Variants in TBXAS1 observed in about 807,000 individuals in gnomAD.
TBXAS1 encodes thromboxane A synthase 1, also known as thromboxane-A synthase.
TBXAS1 carries 48 observed loss-of-function variants against 60.7 expected under a neutral mutation model. The observed-to-expected ratio is 0.79, with a 90% confidence interval of 0.63 to 1.01. The LOEUF is 1.01. TBXAS1 is among the 50% of genes least tolerant of loss of function. The pLI is 0.00. For missense variants in TBXAS1, 685 were observed against 686.3 expected, an observed-to-expected ratio of 1.00 and a Z score of 0.02; for synonymous variants, 287 against 269.7, an observed-to-expected ratio of 1.06 and a Z score of -0.63.
chr7:139,955,628 G>A (rs766050846), intron 7 of TBXAS1, 21 bp downstream of exon 7: 1 of 1,613,462 alleles, frequency 6.2e-7, no homozygotes, highest in Non-Finnish European at 8.5e-7. Flanking sequence ...CTGCAGCCCG[G>A]GGCGCTGCGA....
intron 1 of TBXAS1, among the ~76,000 whole-genome samples, chr7:139,836,249 A>C (rs568901690): frequency 1.3e-5 from 2 of 152,296 alleles, no homozygotes; most frequent in Admixed American, 6.5e-5. Context: ...TGCCAAAAGC[A>C]ATCTACAAAT....
chr7:139,942,384 T>C (rs1478167353), intron 5 of TBXAS1, among the ~76,000 whole-genome samples: 1 of 152,244 alleles, frequency 6.6e-6, no homozygotes, highest in Non-Finnish European at 1.5e-5. Context: ...CGTGGGTTGT[T>C]AACTTCCTGG....
At chr7:139,856,046 C>A (rs1006952843) in intron 1 of TBXAS1, among the ~76,000 whole-genome samples, 1 of 152,132 alleles carries the variant, frequency 6.6e-6, no homozygotes. Context: ...AATTCAGACT[C>A]GAGGTGAATT....
At chr7:140,008,162 G>A (rs908799420) in intron 10 of TBXAS1, among the ~76,000 whole-genome samples, 1 of 152,152 alleles carries the variant, frequency 6.6e-6, no homozygotes, top group Non-Finnish European at 1.5e-5. Flanking sequence ...ATGATTTGAG[G>A]GTATCTCAAA....
intron 2 of TBXAS1, among the ~76,000 whole-genome samples, chr7:139,872,662 A>T (rs1347463070): frequency 6.6e-6 from 1 of 152,220 alleles, no homozygotes; most frequent in Non-Finnish European, 1.5e-5. Flanking sequence ...CTCAAAAAAT[A>T]AAATAAAATG....
chr7:139,890,373 G>A (rs147748446), intron 3 of TBXAS1, among the ~76,000 whole-genome samples: 3,972 of 152,026 alleles, frequency 0.026, 161 homozygotes, highest in African/African-American at 0.091. Flanking sequence ...CCGCCACTGC[G>A]CCCGGCTAAT....
chr7:139,984,651 AAAGG>A, intron 9 of TBXAS1, among the ~76,000 whole-genome samples: 1 of 141,364 alleles, frequency 7.1e-6, no homozygotes. Context: ...AGAAAGAAAG[AAAGG>A]GAAGGGGGAA....
At chr7:139,911,386 T>C in intron 4 of TBXAS1, 65 bp downstream of exon 4, 1 of 1,377,816 alleles carries the variant, frequency 7.3e-7, no homozygotes, top group Non-Finnish European at 1.0e-6. Context: ...ACACTGCATG[T>C]CAGATCCAAT....
At chr7:139,878,481 T>C (rs770030518) in intron 3 of TBXAS1, among the ~76,000 whole-genome samples, 2 of 152,220 alleles carry the variant, frequency 1.3e-5, no homozygotes, top group Non-Finnish European at 2.9e-5. Flanking sequence ...GCATAATTTC[T>C]TCCTATAAAG....
intron 9 of TBXAS1, among the ~76,000 whole-genome samples, chr7:139,980,345 A>G (rs1232065695): frequency 2.0e-5 from 3 of 152,112 alleles, no homozygotes; most frequent in Admixed American, 6.5e-5. Context: ...GGGTTTCCCT[A>G]ATGAGTTGAG....
intron 9 of TBXAS1, among the ~76,000 whole-genome samples, chr7:139,984,757 AAAGAAAGCAGGAAAGAAAG>A (rs1210553563): frequency 1.7e-5 from 2 of 118,230 alleles, no homozygotes; most frequent in Non-Finnish European, 3.6e-5. Context: ...GAAAAGAAAG[AAAGAAAGCAGGAAAGAAAG>A]AAAGAAAAGA....
At chr7:140,002,083 T>G (rs1328747362) in intron 9 of TBXAS1, among the ~76,000 whole-genome samples, 1 of 152,242 alleles carries the variant, frequency 6.6e-6, no homozygotes, top group African/African-American at 2.4e-5. Context: ...CAGTGCCTGG[T>G]GAATCATGCT....
In TBXAS1 at chr7:139,829,405, G is replaced by A. The variant is rs775493645; in HGVS notation, c.15G>A (p.Gly5=). 2.5e-6 allele frequency: 4 copies of A among 1,613,870 alleles called. No homozygotes were observed. The South Asian group carries it at 3.3e-5, about 13-fold the overall frequency. Reference sequence around the variant, plus strand: ...TCAGAGGAATGATGGAAGCCTTGGGGTTTCTAAAATTGGAAGTGAATGGCC... The same window carrying A: ...TCAGAGGAATGATGGAAGCCTTGGGATTTCTAAAATTGGAAGTGAATGGCC... MEAL[G]FLKLEVNGPM... is the part of the protein sequence containing the mutation. Residue 5 remains glycine, a synonymous_variant, in exon 1 of 13, where the codon GGG becomes GGA. Coordinates refer to ENST00000448866, the MANE Select transcript of TBXAS1 (RefSeq NM_001061.7).
At chr7:139,897,154 A>G (rs2267692) in intron 3 of TBXAS1, among the ~76,000 whole-genome samples, 62,652 of 151,970 alleles carry the variant, frequency 0.41, 13,253 homozygotes, top group South Asian at 0.5. Context: ...ACCACTCACA[A>G]ACGAGCAGAA....
intron 9 of TBXAS1, among the ~76,000 whole-genome samples, chr7:139,985,166 T>A (rs947131493): frequency 1.6e-4 from 24 of 152,310 alleles, no homozygotes; most frequent in African/African-American, 5.8e-4. Context: ...ATTAATTCAT[T>A]TCCCTGTGTC....
chr7:139,872,943 G>T (rs887550477), intron 2 of TBXAS1, among the ~76,000 whole-genome samples: 2 of 152,110 alleles, frequency 1.3e-5, no homozygotes, highest in African/African-American at 4.8e-5. Context: ...TAGAAGAAGA[G>T]GTTACTTGTG....
intron 4 of TBXAS1, among the ~76,000 whole-genome samples, chr7:139,921,692 A>T (rs941671276): frequency 3.9e-5 from 6 of 152,256 alleles, no homozygotes; most frequent in African/African-American, 1.2e-4. Flanking sequence ...ACAGAGCAAG[A>T]TCGTGAACAT....
chr7:139,793,498 TA>T (rs1797455690), intron 4 of TBXAS1, among the ~76,000 whole-genome samples: 2 of 151,986 alleles, frequency 1.3e-5, no homozygotes, highest in African/African-American at 4.8e-5. Flanking sequence ...AACACCTTTG[TA>T]GTGAAAGGCA....
intron 7 of TBXAS1, 60 bp from the exon 8 acceptor site, chr7:139,957,574 T>G: frequency 6.2e-7 from 1 of 1,612,184 alleles, no homozygotes; most frequent in South Asian, 1.1e-5. Flanking sequence ...AACAGGCGTC[T>G]AATGGCCCTG....
Sources: allele counts gnomAD v4.1 joint callset (sites outside exome capture counted in the v4.1 genomes callset), GRCh38; gene constraint gnomAD v4.1.1; transcripts MANE v1.5; gene names NCBI Gene and HGNC (gene_info 2026-07-23, HGNC 2026-07-21).